ZNF500: variants seen among roughly 807,000 people sequenced by gnomAD.
ZNF500 encodes zinc finger protein with KRAB and SCAN domains 18.
Under a neutral mutation model 30.1 loss-of-function variants are expected in ZNF500, and 31 were observed. The ratio of observed to expected loss-of-function variants is 1.03; its 90% confidence interval spans 0.77 to 1.39. ZNF500 has a LOEUF of 1.39. Among genes scored for constraint, ZNF500 ranks in the 40% most tolerant of loss-of-function variants. The pLI is 0.00. For missense variants in ZNF500, 817 were observed against 657.8 expected, an observed-to-expected ratio of 1.24 and a Z score of -2.65; for synonymous variants, 392 against 282.0, an observed-to-expected ratio of 1.39 and a Z score of -3.91.
At position 4,751,968 on chromosome 16, in the gene ZNF500, A is replaced by G. The variant is rs1054259724; in HGVS notation, c.*408T>C. 1.2e-6 allele frequency: 1 copy of G among 826,244 alleles called. No individual in the cohort carries two copies. Among genetic ancestry groups the G allele is most frequent in the Non-Finnish European group, 1.7e-6 (1 of 598,650 alleles). The allele number at this position is 826,244 out of a possible 1,614,324, so 51.2% of individuals were successfully genotyped here. On this transcript the variant is annotated 3_prime_UTR_variant, in exon 6 of 6. Transcript: ENST00000219478. ...ACACAGAGACAGCGCACAGGGTCAC[A>G]GACACACAGGAGAGGGGTTGGGACG...
Position 4,751,513 on chromosome 16 carries a change from C to CTGCAGAG in ZNF500, c.*856_*862dup, listed in dbSNP as rs2082077423. ...TGGATCTGCAAAGGGGACTGGAATG[C>CTGCAGAG]TGCAGAGCCCCGGGCTCCATTTGGA... On this transcript the variant is annotated 3_prime_UTR_variant, in exon 6 of 6. Coordinates refer to ENST00000219478, the MANE Select transcript of ZNF500 (RefSeq NM_021646.4). The CTGCAGAG allele has an allele frequency of 4.1e-6, 6 of 1,476,840 alleles. No homozygotes were observed. The Admixed American group carries it at 1.3e-4, about 32-fold the overall frequency. The allele number at this position is 1,476,840 out of a possible 1,614,324, so 91.5% of individuals were successfully genotyped here.
chr16:4,752,513 G>T lies in ZNF500; in HGVS notation c.1306C>A (p.Pro436Thr). ...CGGCCACAGGCCGGGCAGGTGTAGG[G>T]CTTCTCACCTGTGTGCGTCCGGCGG... Reference protein sequence around the residue: ...AHRRTHTGEKPYTCPACGRGF... With the variant: ...AHRRTHTGEKTYTCPACGRGF... Residue 436 changes from proline (P) to threonine (T), a missense_variant, in exon 6 of 6, where the codon CCC becomes ACC. Pro to Thr is a conservative substitution (Grantham distance 38, BLOSUM62 -1). Coordinates refer to ENST00000219478, the MANE Select transcript of ZNF500 (RefSeq NM_021646.4). The T allele has an allele frequency of 1.3e-6, 2 of 1,558,356 alleles. No individual in the cohort carries two copies. Among genetic ancestry groups the T allele is most frequent in the Admixed American group, 1.9e-5 (1 of 52,714 alleles).
intron 4 of ZNF500, among the ~76,000 whole-genome samples, chr16:4,761,549 A>C (rs1208761204): frequency 2.0e-5 from 3 of 151,588 alleles, no homozygotes; most frequent in Non-Finnish European, 4.4e-5. Context: ...TAAATAAATA[A>C]ATAAAAATAA....
Position 4,765,958 on chromosome 16 carries a change from G to A in ZNF500, c.21C>T (p.Leu7=), listed in dbSNP as rs1211405372. Residue 7 remains leucine, a synonymous_variant, in exon 2 of 6, where the codon CTC becomes CTT. Coordinates refer to ENST00000219478, the MANE Select transcript of ZNF500 (RefSeq NM_021646.4). ...CCTGCTCCAAGGTTGGCAGGGGCTG[G>A]AGGCCAGGGACAGTGGCCATTGCTT... MATVPG[L]QPLPTLEQDL... is the part of the protein sequence containing the mutation. 14 of 1,581,786 alleles carry A rather than the reference G, an allele frequency of 8.9e-6. No homozygotes were observed. The highest frequency in any genetic ancestry group is 1.8e-5 in the Admixed American group (1 of 54,828).
In ZNF500 at chr16:4,762,708, G is replaced by A; in HGVS notation, c.463C>T (p.Gln155Ter). The A allele has an allele frequency of 6.2e-7, 1 of 1,613,700 alleles. No individual in the cohort carries two copies. Among genetic ancestry groups the A allele is most frequent in the Non-Finnish European group, 8.5e-7 (1 of 1,179,796 alleles). Residue 155 changes from glutamine (Q) to a stop codon, truncating the protein, a stop_gained, in exon 3 of 6, where the codon CAG becomes TAG. Transcript: ENST00000219478. LOFTEE classifies it high-confidence loss of function. ...GCCTCTGCCTGGTGTTTTAAGAACTGTCCCCCTATCCCGAGGGGCACCTCG... is the reference window on the plus strand; with the variant it reads ...GCCTCTGCCTGGTGTTTTAAGAACTATCCCCCTATCCCGAGGGGCACCTCG... ...DDEVPLGIGGQFLKHQAEAQP... is the reference protein window; with the variant it reads ...DDEVPLGIGG
downstream of ZNF500, chr16:4,746,475 C>T (rs147266014): frequency 4.2e-5 from 68 of 1,613,608 alleles, no homozygotes; most frequent in African/African-American, 1.5e-4. Flanking sequence ...TATTGACCTG[C>T]GGCAGATGGA....
At chr16:4,762,212 G>GACAC in intron 4 of ZNF500, 59 bp downstream of exon 4, 1 of 1,570,218 alleles carries the variant, frequency 6.4e-7, no homozygotes, top group African/African-American at 1.4e-5. Flanking sequence ...AAGGAAGTGT[G>GACAC]ACACACAGGA....
downstream of ZNF500, chr16:4,746,607 C>A (rs1459653959): frequency 3.0e-5 from 42 of 1,418,772 alleles, 1 homozygote; most frequent in South Asian, 5.7e-4. Context: ...TGGGGAGGAA[C>A]AGGGACTTCA....
chr16:4,760,903 G>A (rs1029898565), intron 4 of ZNF500, among the ~76,000 whole-genome samples: 2 of 152,152 alleles, frequency 1.3e-5, no homozygotes, highest in East Asian at 1.9e-4. Flanking sequence ...CCCTGGCTCC[G>A]TGGCTAGCCA....
In ZNF500 at chr16:4,753,069, G is replaced by C. The variant is rs553363195; in HGVS notation, c.761-11C>G. ...ACTGGATCCCAGGTCCTGAGACAGA[G>C]AAAGCACGATCTCTAGGAACTCACA... is the stretch of plus-strand genomic sequence containing the variant. On this transcript the variant is annotated splice_polypyrimidine_tract_variant and intron_variant, in intron 5 of 5. Coordinates refer to ENST00000219478, the MANE Select transcript of ZNF500 (RefSeq NM_021646.4). 1 of 1,507,030 alleles carries C rather than the reference G, an allele frequency of 6.6e-7. No homozygotes were observed. The highest frequency in any genetic ancestry group is 8.8e-7 in the Non-Finnish European group (1 of 1,134,832). The allele number at this position is 1,507,030 out of a possible 1,614,324, so 93.4% of individuals were successfully genotyped here.
intron 5 of ZNF500, chr16:4,756,719 T>A (rs990428859): frequency 6.6e-6 from 1 of 152,158 alleles, no homozygotes; most frequent in Non-Finnish European, 1.5e-5. Flanking sequence ...GGTTTCACCA[T>A]GCCGGCCAGG....
At chr16:4,745,042 G>A (rs2081996892), downstream of ZNF500, 1 of 1,604,450 alleles carries the variant, frequency 6.2e-7, no homozygotes, top group South Asian at 1.1e-5. Flanking sequence ...CGGCTCCTGT[G>A]GTCCTTTAGA....
chr16:4,764,051 T>C, intron 2 of ZNF500: 1 of 985,424 alleles, frequency 1.0e-6, no homozygotes. Context: ...GCAGCAGGAA[T>C]GAGTAAGAGG....
intron 2 of ZNF500, chr16:4,764,143 G>T (rs1046996217): frequency 1.0e-6 from 1 of 968,018 alleles, no homozygotes. Flanking sequence ...GAAGGGTCCT[G>T]TCTGTGCCAT....
Position 4,765,590 on chromosome 16 carries a change from C to T in ZNF500, c.389G>A (p.Arg130Gln), listed in dbSNP as rs751375510. 14 of 1,604,342 alleles carry T rather than the reference C, an allele frequency of 8.7e-6. No homozygotes were observed. The highest frequency in any genetic ancestry group is 2.7e-5 in the African/African-American group (2 of 74,690). The change falls in exon 2 of 6, where the codon CGG becomes CAG. Residue 130 changes from arginine (R) to glutamine (Q), a missense_variant. Coordinates refer to ENST00000219478, the MANE Select transcript of ZNF500 (RefSeq NM_021646.4). ...EAVVLVEGLQ[R>Q]KPRKHRQRGS... is the part of the protein sequence containing the mutation. Reference sequence around the variant, plus strand: ...CCGCTGCCTGTGTTTCCTGGGCTTCCGCTGCAGCCCTTCCACAAGGACCAC... The same window carrying T: ...CCGCTGCCTGTGTTTCCTGGGCTTCTGCTGCAGCCCTTCCACAAGGACCAC...
At chr16:4,764,177 G>C in intron 2 of ZNF500, 3 of 769,664 alleles carry the variant, frequency 3.9e-6, no homozygotes, top group Non-Finnish European at 4.7e-6. Context: ...CACTGGCCAT[G>C]TGTGACGACT....
At chr16:4,758,177 G>A (rs929553951) in intron 5 of ZNF500, 1 of 152,224 alleles carries the variant, frequency 6.6e-6, no homozygotes, top group Non-Finnish European at 1.5e-5. Context: ...TGGGATCACA[G>A]GTGTGAGTCA....
At chr16:4,745,964 A>G (rs887331543), downstream of ZNF500, among the ~76,000 whole-genome samples, 7 of 151,932 alleles carry the variant, frequency 4.6e-5, no homozygotes, top group African/African-American at 1.4e-4. Flanking sequence ...AAAAAAAAAA[A>G]AAAAAGAAAA....
chr16:4,750,680 G>C lies in ZNF500; in HGVS notation c.*1696C>G, dbSNP rs2082068198. 1.3e-5 allele frequency: 2 copies of C among 151,908 alleles called. No individual in the cohort carries two copies. The highest frequency in any genetic ancestry group is 1.3e-4 in the Admixed American group (2 of 15,238). The allele number at this position is 151,908 out of a possible 1,614,324, so 9.4% of individuals were successfully genotyped here. ...AGCTAATTTTTGTGTTTTTAGTAGAGATGGGGTTTCACCATGTTGGCCAGG... is the reference window on the plus strand; with the variant it reads ...AGCTAATTTTTGTGTTTTTAGTAGACATGGGGTTTCACCATGTTGGCCAGG... On this transcript the variant is annotated 3_prime_UTR_variant, in exon 6 of 6. Coordinates refer to ENST00000219478, the MANE Select transcript of ZNF500 (RefSeq NM_021646.4).
Sources: allele counts gnomAD v4.1 joint callset (sites outside exome capture counted in the v4.1 genomes callset), GRCh38; gene constraint gnomAD v4.1.1; transcripts MANE v1.5; gene names NCBI Gene and HGNC (gene_info 2026-07-23, HGNC 2026-07-21).